Variants in CDH3 observed in about 807,000 individuals in gnomAD.
CDH3 encodes the protein cadherin 3, also known as cadherin-3.
CDH3 carries 54 observed loss-of-function variants against 82.0 expected under a neutral mutation model. The ratio of observed to expected loss-of-function variants is 0.66; its 90% CI spans 0.53 to 0.83. CDH3 has a LOEUF of 0.83. Among genes scored for constraint, CDH3 ranks in the 40% least tolerant of loss-of-function variants. The pLI is 0.00. For synonymous variants in CDH3, 446 were observed against 437.9 expected (o/e 1.02, Z -0.23); for missense variants, 1,054 against 1,084.6 (o/e 0.97, Z 0.40).
chr16:68,669,844 C>T (rs1029357765), intron 2 of CDH3, among the ~76,000 whole-genome samples: 5 of 152,090 alleles, frequency 3.3e-5, no homozygotes, highest in Non-Finnish European at 4.4e-5. Context: ...AGTGGCCAGG[C>T]ACAGTGGCTC....
chr16:68,695,242 C>CCAA lies in CDH3; in HGVS notation c.2003-11_2003-9dup, dbSNP rs749325037. On this transcript the variant is annotated splice_polypyrimidine_tract_variant and intron_variant, in intron 13 of 15. Transcript: ENST00000264012. ...GTTACAGAGGGAGCACTCACACTCC[C>CCAA]CAACCCTTGCAGTCCTCCTGCTGGT... 2.5e-6 allele frequency: 4 copies of CCAA among 1,614,114 alleles called. No homozygotes were observed. The South Asian group carries it at 4.4e-5, about 18-fold the overall frequency.
chr16:68,726,779 C>A (rs1029664254), intron 2 of CDH3, among the ~76,000 whole-genome samples: 2 of 152,018 alleles, frequency 1.3e-5, no homozygotes, highest in Non-Finnish European at 2.9e-5. Flanking sequence ...CGGGGTATCA[C>A]CAGGTTAGCC....
intron 2 of CDH3, among the ~76,000 whole-genome samples, chr16:68,656,218 C>CAT (rs148552764): frequency 0.018 from 2,762 of 152,246 alleles, 66 homozygotes; most frequent in African/African-American, 0.051. Context: ...AGTATGGAGA[C>CAT]AATGGCTGAA....
downstream of CDH3, among the ~76,000 whole-genome samples, chr16:68,731,471 T>C (rs12925582): frequency 0.23 from 6,084 of 26,886 alleles, 499 homozygotes; most frequent in Middle Eastern, 0.35. Flanking sequence ...CATATATATA[T>C]ACACACACAC....
At chr16:68,674,969 TAGG>T (rs1366156494) in intron 2 of CDH3, among the ~76,000 whole-genome samples, 41 of 47,130 alleles carry the variant, frequency 8.7e-4, no homozygotes, top group Non-Finnish European at 1.7e-3. Context: ...AAAAATTAGC[TAGG>T]CATGGTGGTG....
At position 68,698,732 on chromosome 16, in the gene CDH3, TTCTC is replaced by T; in HGVS notation, c.*336_*339del. On this transcript the variant is annotated 3_prime_UTR_variant, in exon 16 of 16. Coordinates refer to ENST00000264012, the MANE Select transcript of CDH3 (RefSeq NM_001793.6). ...TGCTGTGACTGACCTACAGTGGACT[TTCTC>T]TCTGGAATGGAACCTTCTTAGGCCT... The T allele has an allele frequency of 3.2e-6, 1 of 313,944 alleles. No individual in the cohort carries two copies. Among genetic ancestry groups the T allele is most frequent in the African/African-American group, 2.1e-5 (1 of 46,928 alleles). 19.4% of individuals were successfully genotyped at this position (313,944 alleles called of 1,614,324 possible).
rs569633350 is a variant in CDH3, at chr16:68,721,860, C to T, written c.100-565C>T. Among the ~76,000 whole-genome samples, 210 of 152,140 alleles carry T rather than the reference C, an allele frequency of 1.4e-3. 9 individuals carry two copies. The South Asian group carries it at 0.041, about 30-fold the overall frequency. ...ATTCTAGCACTTTGGGAGGCTGAGG[C>T]GGGCAGATCACTTGACGTCAGGAGT... On this transcript the variant is annotated intron_variant, in intron 1 of 2. Transcript: ENST00000569080.
At chr16:68,719,374 T>C (rs1007050177) in intron 1 of CDH3, among the ~76,000 whole-genome samples, 2 of 152,032 alleles carry the variant, frequency 1.3e-5, no homozygotes, top group African/African-American at 4.8e-5. Flanking sequence ...TGATTCCATT[T>C]ATATGACAAT....
At chr16:68,729,422 C>G (rs2152112164), downstream of CDH3, among the ~76,000 whole-genome samples, 1 of 152,126 alleles carries the variant, frequency 6.6e-6, no homozygotes, top group Non-Finnish European at 1.5e-5. Context: ...AAAATAGAAA[C>G]AAACAAAGGA....
intron 2 of CDH3, among the ~76,000 whole-genome samples, chr16:68,650,596 C>T (rs769475113): frequency 6.6e-5 from 10 of 152,182 alleles, no homozygotes; most frequent in African/African-American, 2.2e-4. Flanking sequence ...CCACCACGCC[C>T]GGCCATATTT....
At chr16:68,655,341 G>C (rs1276430721) in intron 2 of CDH3, among the ~76,000 whole-genome samples, 1 of 152,148 alleles carries the variant, frequency 6.6e-6, no homozygotes. Context: ...GTACCTACTA[G>C]GTACTAGATA....
intron 1 of CDH3, among the ~76,000 whole-genome samples, chr16:68,716,280 A>G (rs1021663018): frequency 1.3e-5 from 2 of 152,022 alleles, no homozygotes; most frequent in African/African-American, 2.4e-5. Flanking sequence ...AATTGATTCA[A>G]TAAATTGTAG....
chr16:68,697,144 A>G (rs1952049), intron 15 of CDH3, among the ~76,000 whole-genome samples: 129,818 of 151,616 alleles, frequency 0.86, 55,747 homozygotes, highest in Non-Finnish European at 0.89. Flanking sequence ...CCAACATGGT[A>G]AAACCCTGTC....
rs760573051 is a variant in CDH3 at position 68,691,671 on chromosome 16, T to A, written c.1796-49T>A. 18 of 1,432,942 alleles carry A rather than the reference T, an allele frequency of 1.3e-5. No individual in the cohort carries two copies. The South Asian group carries it at 1.9e-4, about 16-fold the overall frequency. The allele number at this position is 1,432,942 out of a possible 1,614,324, so 88.8% of individuals were successfully genotyped here. A position where few individuals can be genotyped will look rare whatever the true frequency, so the allele number is the denominator to read the frequency against. On this transcript the variant is annotated intron_variant, in intron 12 of 15. Coordinates refer to ENST00000264012, the MANE Select transcript of CDH3 (RefSeq NM_001793.6). ...AAACTTTCTTCATGGTGTACTCAGA[T>A]CCCCGCACTGATGGTTCCCACAGCT...
At chr16:68,695,588 A>G (rs973056642) in intron 14 of CDH3, among the ~76,000 whole-genome samples, 189 bp from the exon 15 acceptor site, 1 of 152,210 alleles carries the variant, frequency 6.6e-6, no homozygotes, top group East Asian at 1.9e-4. Flanking sequence ...CCTCAAGCCT[A>G]TGTTTAATTT....
chr16:68,726,782 G>A (rs1962224198), intron 2 of CDH3, among the ~76,000 whole-genome samples: 1 of 151,912 alleles, frequency 6.6e-6, no homozygotes, highest in Admixed American at 6.6e-5. Context: ...GGTATCACCA[G>A]GTTAGCCAGG....
At chr16:68,675,920 G>A (rs946189087) in intron 2 of CDH3, among the ~76,000 whole-genome samples, 1 of 152,172 alleles carries the variant, frequency 6.6e-6, no homozygotes, top group African/African-American at 2.4e-5. Context: ...TGTTTAAAGA[G>A]TAGCCAAGCA....
chr16:68,654,380 A>ATTTTTT lies in CDH3; in HGVS notation c.160+8663_160+8668dup, dbSNP rs1176713669. The stretch of plus-strand genomic sequence containing the variant: ...GGCCTTTTTCTTAATTTTTAAATTA[A>ATTTTTT]TTTTTTTTTTTTTTTTTTTTTTTTT... On this transcript the variant is annotated intron_variant, in intron 2 of 15. Coordinates refer to ENST00000264012, the MANE Select transcript of CDH3 (RefSeq NM_001793.6). 2.1e-3 allele frequency among the ~76,000 whole-genome samples: 103 copies of ATTTTTT among 48,534 alleles called. 13 individuals are homozygous for ATTTTTT. Among genetic ancestry groups the ATTTTTT allele is most frequent in the Non-Finnish European group, 2.9e-3 (84 of 29,222 alleles). The allele number at this position is 48,534 out of a possible 152,430, so 31.8% of individuals were successfully genotyped here.
At chr16:68,719,724 C>T (rs1440713117) in intron 1 of CDH3, among the ~76,000 whole-genome samples, 1 of 151,992 alleles carries the variant, frequency 6.6e-6, no homozygotes, top group African/African-American at 2.4e-5. Context: ...TGATCTCAAA[C>T]TCCTGACCTC....
Sources: allele counts gnomAD v4.1 joint callset (sites outside exome capture counted in the v4.1 genomes callset), GRCh38; gene constraint gnomAD v4.1.1; transcripts MANE v1.5; gene names NCBI Gene and HGNC (gene_info 2026-07-23, HGNC 2026-07-21).